Variants in NLRP2 observed in about 807,000 individuals in gnomAD.
NLRP2 encodes NLR family pyrin domain containing 2, also known as NACHT, LRR and PYD domains-containing protein 2.
Under a neutral mutation model 97.2 loss-of-function variants are expected in NLRP2, and 107 were observed. The observed-to-expected ratio is 1.10, with a 90% CI of 0.94 to 1.29. The LOEUF is 1.29. NLRP2 is among the 50% of genes most tolerant of loss of function. NLRP2 has a pLI of 0.00. For missense variants in NLRP2, 1,495 were observed against 1,330.3 expected, an observed-to-expected ratio of 1.12 and a Z score of -1.93; for synonymous variants, 663 against 551.5, an observed-to-expected ratio of 1.20 and a Z score of -2.83.
intron 5 of NLRP2, 22 bp downstream of exon 5, chr19:54,981,704 AG>A (rs1467702084): frequency 7.6e-7 from 1 of 1,311,960 alleles, no homozygotes; most frequent in East Asian, 2.3e-5. Flanking sequence ...ATCTTCCTGC[AG>A]GGAGCTTGGG....
rs759650015 is a variant in NLRP2, at chr19:54,982,865, G to C, written c.1167G>C (p.Ala389=). ...CCTTTGAGCTAATGAGGAGCAACGCGGCCCTGTTCCAGCTGGGCTCGGCCC... is the reference window on the plus strand; with the variant it reads ...CCTTTGAGCTAATGAGGAGCAACGCCGCCCTGTTCCAGCTGGGCTCGGCCC... ...MRAFELMRSN[A]ALFQLGSAPA... Residue 389 remains alanine (A), a synonymous_variant, in exon 6 of 13, where the codon GCG becomes GCC. Coordinates refer to ENST00000448584, the MANE Select transcript of NLRP2 (RefSeq NM_017852.5). 4 of 1,613,112 alleles carry C rather than the reference G, an allele frequency of 2.5e-6. No homozygotes were observed. The highest frequency in any genetic ancestry group is 2.2e-5 in the East Asian group (1 of 44,868).
Position 54,967,651 on chromosome 19 carries a change from A to C in NLRP2, c.-18+1184A>C, listed in dbSNP as rs185811264. Among the ~76,000 whole-genome samples, 584 of 152,090 alleles carry C rather than the reference A, an allele frequency of 3.8e-3. 4 individuals are homozygous for C. The highest frequency in any genetic ancestry group is 0.013 in the African/African-American group (555 of 41,466). ...AGAGCTATAGAGAGCTCCAAAAAAA[A>C]AAATATATTGGAACAGGTCAGATGC... On this transcript the variant is annotated intron_variant, in intron 1 of 12. Transcript: ENST00000448584.
chr19:54,974,445 TA>T, intron 2 of NLRP2, 54 bp from the exon 3 acceptor site: 1 of 1,319,600 alleles, frequency 7.6e-7, no homozygotes, highest in Non-Finnish European at 1.1e-6. Flanking sequence ...ATGAAGGCAA[TA>T]AAATCTTGAG....
rs147804224 is a variant in NLRP2, at chr19:54,983,098, G to A, written c.1400G>A (p.Arg467Gln). Residue 467 changes from arginine (R) to glutamine (Q), a missense_variant, in exon 6 of 13, where the codon CGA becomes CAA. By Grantham distance (43) the Arg-to-Gln change is conservative. Coordinates refer to ENST00000448584, the MANE Select transcript of NLRP2 (RefSeq NM_017852.5). The part of the protein sequence containing the change: ...GLWAQTSVLH[R>Q]EDLERLGVQE... ...TGGGCGCAGACGTCCGTGCTTCACC[G>A]AGAGGATCTGGAAAGGCTCGGGGTG... 951 of 1,613,296 alleles carry A rather than the reference G, an allele frequency of 5.9e-4. 2 individuals are homozygous for A. The highest frequency in any genetic ancestry group is 5.2e-3 in the Middle Eastern group (31 of 5,944).
intron 9 of NLRP2, 125 bp from the exon 10 acceptor site, chr19:54,990,377 C>T: frequency 1.8e-6 from 2 of 1,119,338 alleles, no homozygotes; most frequent in African/African-American, 1.5e-5. Context: ...CATAGGATCA[C>T]CAGTGCATGA....
rs372504212 is a variant in NLRP2, at chr19:54,997,389, C to T, written c.2952C>T (p.Leu984=). Residue 984 remains leucine (L), a synonymous_variant, in exon 12 of 13, where the codon CTC becomes CTT. Coordinates refer to ENST00000448584, the MANE Select transcript of NLRP2 (RefSeq NM_017852.5). ...CTGCCCTCAGCTGCAACCAGAGCCTCGTCACTCTGGACCTGGGTCAGAATC... is the reference window on the plus strand; with the variant it reads ...CTGCCCTCAGCTGCAACCAGAGCCTTGTCACTCTGGACCTGGGTCAGAATC... ...LCSALSCNQS[L]VTLDLGQNPL... is the part of the protein sequence containing the mutation. The T allele has an allele frequency of 3.0e-5, 49 of 1,614,044 alleles. No individual in the cohort carries two copies. The highest frequency in any genetic ancestry group is 6.7e-5 in the Admixed American group (4 of 60,000).
rs896287803 is a variant in NLRP2, at chr19:55,000,901, C to T, written c.*3C>T. 3.7e-6 allele frequency: 6 copies of T among 1,612,856 alleles called. No homozygotes were observed. Among genetic ancestry groups the T allele is most frequent in the Non-Finnish European group, 5.1e-6 (6 of 1,179,216 alleles). Reference sequence around the variant, plus strand: ...CTTCTCATGACTTCATGATCTGAATCCCCCCGAGTCATTCATTCTCCATGA... The same window carrying T: ...CTTCTCATGACTTCATGATCTGAATTCCCCCGAGTCATTCATTCTCCATGA... On this transcript the variant is annotated 3_prime_UTR_variant, in exon 13 of 13. Coordinates refer to ENST00000448584, the MANE Select transcript of NLRP2 (RefSeq NM_017852.5).
At position 54,983,357 on chromosome 19, in the gene NLRP2, A is replaced by G. The variant is rs777063704; in HGVS notation, c.1659A>G (p.Ala553=). ...TCAGGAACCCCGACCTGATCCAAGC[A>G]GGCTACTACTCCTTTGGCCTCGCTA... The part of the protein sequence containing the change: ...ERLRNPDLIQ[A]GYYSFGLANE... Residue 553 remains alanine, a synonymous_variant, in exon 6 of 13, where the codon GCA becomes GCG. Coordinates refer to ENST00000448584, the MANE Select transcript of NLRP2 (RefSeq NM_017852.5). 3.7e-6 allele frequency: 6 copies of G among 1,614,120 alleles called. No homozygotes were observed. Among genetic ancestry groups the G allele is most frequent in the Admixed American group, 1.7e-5 (1 of 60,004 alleles).
Position 54,983,613 on chromosome 19 carries a change from C to T in NLRP2, c.1915C>T (p.Pro639Ser). The T allele has an allele frequency of 2.5e-6, 4 of 1,614,104 alleles. No individual in the cohort carries two copies. The highest frequency in any genetic ancestry group is 2.2e-5 in the South Asian group (2 of 91,076). The change falls in exon 6 of 13, where the codon CCA (proline) becomes TCA (serine). Residue 639 changes from proline (P) to serine (S), a missense_variant. Coordinates refer to ENST00000448584, the MANE Select transcript of NLRP2 (RefSeq NM_017852.5). The part of the protein sequence containing the change: ...SLHLNAVDVV[P>S]SSFCVKHCRN... ...GCACTTAAATGCAGTAGACGTTGTG[C>T]CATCTTCATTCTGCGTCAAGCACTG... is the stretch of plus-strand genomic sequence containing the variant.
rs368579702 is a variant in NLRP2 at position 54,997,340 on chromosome 19, C to T, written c.2903C>T (p.Pro968Leu). 1.6e-5 allele frequency: 26 copies of T among 1,613,792 alleles called. No individual in the cohort carries two copies. Among genetic ancestry groups the T allele is most frequent in the South Asian group, 5.5e-5 (5 of 91,066 alleles). The change falls in exon 12 of 13, where the codon CCG becomes CTG. Residue 968 changes from proline (P) to leucine (L), a missense_variant. Transcript: ENST00000448584. ...AGGTTGTGGGGATGTTCCATCCCTC[C>T]GTTCAGTTGTGAAGACCTCTGCTCT... The part of the protein sequence containing the change: ...CLWLWGCSIP[P>L]FSCEDLCSAL...
Position 54,983,061 on chromosome 19 carries a change from G to A in NLRP2, c.1363G>A (p.Ala455Thr), listed in dbSNP as rs200762489. Residue 455 changes from alanine (A) to threonine (T), a missense_variant, in exon 6 of 13, where the codon GCG becomes ACG. Ala to Thr is a moderately conservative substitution (Grantham distance 58). Transcript: ENST00000448584. ...GCTGCGGACGCTGAGCCTCCTGGCCGCGCAGGGCCTGTGGGCGCAGACGTC... is the reference window on the plus strand; with the variant it reads ...GCTGCGGACGCTGAGCCTCCTGGCCACGCAGGGCCTGTGGGCGCAGACGTC... ...GALRTLSLLA[A>T]QGLWAQTSVL... 9.6e-5 allele frequency: 155 copies of A among 1,612,098 alleles called. No homozygotes were observed. The highest frequency in any genetic ancestry group is 1.2e-4 in the Non-Finnish European group (138 of 1,179,568).
chr19:54,969,700 C>T (rs987333987), intron 1 of NLRP2, among the ~76,000 whole-genome samples: 1 of 152,076 alleles, frequency 6.6e-6, no homozygotes, highest in African/African-American at 2.4e-5. Context: ...TGCTCTGTTG[C>T]CCAGATGGGA....
chr19:55,000,993 A>G lies in NLRP2; in HGVS notation c.*95A>G, dbSNP rs2073160992. The G allele has an allele frequency of 9.2e-7, 1 of 1,081,978 alleles. No individual in the cohort carries two copies. Among genetic ancestry groups the G allele is most frequent in the South Asian group, 1.3e-5 (1 of 79,726 alleles). 67.0% of individuals were successfully genotyped at this position (1,081,978 alleles called of 1,614,324 possible). A position where few individuals can be genotyped will look rare whatever the true frequency, so the allele number is the denominator to read the frequency against. ...CTCTCCTCCCCGGCCCCTACCCCTC[A>G]GGGATAATGAGTTCATTGCTGGGCT... On this transcript the variant is annotated 3_prime_UTR_variant, in exon 13 of 13. Coordinates refer to ENST00000448584, the MANE Select transcript of NLRP2 (RefSeq NM_017852.5).
intron 3 of NLRP2, among the ~76,000 whole-genome samples, chr19:54,976,691 T>C (rs1261571532): frequency 6.6e-6 from 1 of 151,972 alleles, no homozygotes; most frequent in African/African-American, 2.4e-5. Flanking sequence ...TTGTCCTGAA[T>C]TTCACATGCC....
Position 54,975,956 on chromosome 19 carries a change from C to T in NLRP2, c.325+1412C>T, listed in dbSNP as rs1042254507. 2.0e-5 allele frequency among the ~76,000 whole-genome samples: 3 copies of T among 151,432 alleles called. No individual in the cohort carries two copies. In the Admixed American group the frequency reaches 2.0e-4, roughly 10 times the overall value. ...GGTAGGGACAGTTTCACTATGTTGC[C>T]AGATATGGTGTCAAACTCCTGGTCT... On this transcript the variant is annotated intron_variant, in intron 3 of 12. Transcript: ENST00000448584.
rs764331988 is a variant in NLRP2, at chr19:54,974,479, TC to T, written c.281-15del. The T allele has an allele frequency of 1.3e-5, 21 of 1,606,990 alleles. No homozygotes were observed. The African/African-American group carries it at 2.1e-4, about 16-fold the overall frequency. On this transcript the variant is annotated intron_variant, in intron 2 of 12. Coordinates refer to ENST00000448584, the MANE Select transcript of NLRP2 (RefSeq NM_017852.5). Reference sequence around the variant, plus strand: ...GAGCTTATGGTAAAATGCAAAATTTTCCCCCCTTCTCCTTTTTCAGAAGCAG... The same window carrying T: ...GAGCTTATGGTAAAATGCAAAATTTTCCCCCTTCTCCTTTTTCAGAAGCAG...
chr19:54,983,827 C>A (rs1240159235), intron 6 of NLRP2, 99 bp downstream of exon 6: 3 of 1,473,062 alleles, frequency 2.0e-6, no homozygotes, highest in East Asian at 2.3e-5. Context: ...GGCTTAGGGT[C>A]AGGAATTCCC....
At chr19:54,976,829 T>TTTTTTTTTTTG in intron 3 of NLRP2, 1 of 420,338 alleles carries the variant, frequency 2.4e-6, no homozygotes, top group Non-Finnish European at 4.6e-6. Flanking sequence ...TTTTTTTTTT[T>TTTTTTTTTTTG]GATACGGAGT....
At chr19:54,992,713 C>A (rs1469809837) in intron 10 of NLRP2, among the ~76,000 whole-genome samples, 2 of 151,588 alleles carry the variant, frequency 1.3e-5, no homozygotes, top group Non-Finnish European at 2.9e-5. Flanking sequence ...TGCATGCCAC[C>A]ACGCCCAGCT....
Sources: gnomAD v4.1 joint callset for allele counts (sites outside exome capture counted in the v4.1 genomes callset) on GRCh38, gnomAD v4.1.1 for gene constraint, MANE v1.5 for transcripts, NCBI Gene and HGNC (gene_info 2026-07-23, HGNC 2026-07-21) for gene names.